The following SNTG2 variants were observed in gnomAD, a reference collection of about 807,000 sequenced individuals.
SNTG2 encodes the protein syntrophin gamma 2.
A neutral mutation model predicts 70.9 loss-of-function variants in SNTG2; 74 were observed. The ratio of observed to expected loss-of-function variants is 1.04; its 90% confidence interval spans 0.86 to 1.27. The LOEUF is 1.27. Ranked by LOEUF, SNTG2 falls within the 50% of genes most tolerant of loss-of-function variation. The pLI is 0.00. For synonymous variants in SNTG2, 278 were observed against 273.8 expected, an observed-to-expected ratio of 1.02 and a Z score of -0.15; for missense variants, 717 against 690.7, an observed-to-expected ratio of 1.04 and a Z score of -0.43.
At chr2:1,200,628 A>G (rs542896593) in intron 8 of SNTG2, among the ~76,000 whole-genome samples, 1 of 152,210 alleles carries the variant, frequency 6.6e-6, no homozygotes, top group Admixed American at 6.5e-5. Context: ...TTCATTCGAC[A>G]AGAGACTAAT....
chr2:1,366,236 C>A (rs1220423839), intron 16 of SNTG2, among the ~76,000 whole-genome samples: 1 of 152,136 alleles, frequency 6.6e-6, no homozygotes, highest in African/African-American at 2.4e-5. Context: ...AGAAAGACAA[C>A]ATTAGAAGAA....
intron 14 of SNTG2, 87 bp downstream of exon 14, chr2:1,267,658 G>C (rs1426233813): frequency 2.6e-6 from 3 of 1,164,454 alleles, no homozygotes; most frequent in Non-Finnish European, 3.7e-6. Flanking sequence ...GTTTATCGGG[G>C]GAAAAGAGGA....
chr2:1,121,016 G>A (rs1456330216), intron 4 of SNTG2, among the ~76,000 whole-genome samples: 2 of 151,450 alleles, frequency 1.3e-5, no homozygotes, highest in African/African-American at 4.9e-5. Flanking sequence ...CATAAAACAA[G>A]TCTTAACAAA....
At chr2:1,023,028 G>C (rs765885897) in intron 1 of SNTG2, among the ~76,000 whole-genome samples, 5 of 152,152 alleles carry the variant, frequency 3.3e-5, no homozygotes, top group Non-Finnish European at 7.3e-5. Flanking sequence ...GCACACACAA[G>C]CCTCTGAGCT....
chr2:979,580 C>T (rs1238205605), intron 1 of SNTG2, among the ~76,000 whole-genome samples: 3 of 152,102 alleles, frequency 2.0e-5, no homozygotes, highest in Admixed American at 6.5e-5. Context: ...GTCCTAAACT[C>T]GCCCCGTGGC....
intron 14 of SNTG2, among the ~76,000 whole-genome samples, chr2:1,277,497 T>C (rs1425963496): frequency 6.6e-6 from 1 of 152,272 alleles, no homozygotes; most frequent in Admixed American, 6.5e-5. Context: ...TTAGACATAA[T>C]GCTTTGCATA....
chr2:973,064 A>G (rs1453275734), intron 1 of SNTG2, among the ~76,000 whole-genome samples: 1 of 152,204 alleles, frequency 6.6e-6, no homozygotes, highest in Non-Finnish European at 1.5e-5. Context: ...CCATGTTTTT[A>G]GGAAACTCTA....
intron 9 of SNTG2, among the ~76,000 whole-genome samples, chr2:1,230,933 G>A (rs1026329932): frequency 6.6e-5 from 10 of 151,970 alleles, no homozygotes; most frequent in East Asian, 1.9e-4. Flanking sequence ...AAATAGATCC[G>A]AAACGTAAGT....
At chr2:1,089,634 CAAAAT>C (rs57735769) in intron 2 of SNTG2, among the ~76,000 whole-genome samples, 117,827 of 151,612 alleles carry the variant, frequency 0.78, 46,143 homozygotes, top group Admixed American at 0.88. Flanking sequence ...AACTCCGTCT[CAAAAT>C]AATAATAATA....
At chr2:1,342,362 TC>T (rs780807618) in intron 16 of SNTG2, among the ~76,000 whole-genome samples, 1,056 of 55,460 alleles carry the variant, frequency 0.019, 7 homozygotes, top group South Asian at 0.029. Context: ...CTGGCACTTT[TC>T]CCCCTGTTCT....
intron 8 of SNTG2, among the ~76,000 whole-genome samples, chr2:1,187,123 T>A (rs1366006525): frequency 6.6e-6 from 1 of 152,200 alleles, no homozygotes; most frequent in Non-Finnish European, 1.5e-5. Flanking sequence ...AACATTTGAA[T>A]ACATAATTAA....
chr2:1,233,874 G>A (rs938347731), intron 9 of SNTG2, among the ~76,000 whole-genome samples: 1 of 152,078 alleles, frequency 6.6e-6, no homozygotes, highest in Non-Finnish European at 1.5e-5. Flanking sequence ...GATGGCGAGT[G>A]TCTGGGAGCT....
chr2:1,222,206 T>G (rs1464512730), intron 9 of SNTG2, among the ~76,000 whole-genome samples: 1 of 152,202 alleles, frequency 6.6e-6, no homozygotes, highest in Admixed American at 6.5e-5. Flanking sequence ...CAGTCGAGGA[T>G]CTTTTCTTTT....
intron 8 of SNTG2, among the ~76,000 whole-genome samples, chr2:1,196,264 A>C (rs766889229): frequency 5.9e-5 from 9 of 152,224 alleles, no homozygotes; most frequent in Admixed American, 1.3e-4. Flanking sequence ...AATAAAGTAG[A>C]TCAAGCAAAA....
rs77790847 is a variant in SNTG2, at chr2:1,132,237, G to A, written c.326-5385G>A. Among the ~76,000 whole-genome samples the A allele has an allele frequency of 9.2e-4, 99 of 107,194 alleles. 1 individual carries two copies. The highest frequency in any genetic ancestry group is 2.2e-3 in the African/African-American group (82 of 38,098). The allele number at this position is 107,194 out of a possible 152,430, so 70.3% of individuals were successfully genotyped here. On this transcript the variant is annotated intron_variant, in intron 4 of 16. Transcript: ENST00000308624. Reference sequence around the variant, plus strand: ...TATATATATGTGTATATATGTGTGTGTATATATATACACACACACACACAC... The same window carrying A: ...TATATATATGTGTATATATGTGTGTATATATATATACACACACACACACAC...
intron 14 of SNTG2, among the ~76,000 whole-genome samples, chr2:1,271,422 A>T (rs952863321): frequency 3.2e-4 from 48 of 151,748 alleles, no homozygotes; most frequent in African/African-American, 1.1e-3. Context: ...TTCTAACAGG[A>T]CATTGCAATG....
intron 14 of SNTG2, among the ~76,000 whole-genome samples, chr2:1,288,301 T>C (rs189395598): frequency 4.6e-5 from 7 of 152,322 alleles, no homozygotes; most frequent in Admixed American, 3.9e-4. Context: ...TGTTTCTGGT[T>C]GTCTCATTTC....
chr2:1,026,735 A>G (rs563741158), intron 1 of SNTG2, among the ~76,000 whole-genome samples: 1 of 151,928 alleles, frequency 6.6e-6, no homozygotes, highest in South Asian at 2.1e-4. Context: ...CCCCGATTCC[A>G]CCTCTGTCTC....
intron 4 of SNTG2, among the ~76,000 whole-genome samples, chr2:1,115,655 G>T (rs75972723): frequency 6.6e-6 from 1 of 151,648 alleles, no homozygotes; most frequent in Non-Finnish European, 1.5e-5. Context: ...GTCCTTTGAG[G>T]AGGATCGTGT....
Sources: allele counts gnomAD v4.1 joint callset (sites outside exome capture counted in the v4.1 genomes callset), GRCh38; gene constraint gnomAD v4.1.1; transcripts MANE v1.5; gene names NCBI Gene and HGNC (gene_info 2026-07-23, HGNC 2026-07-21).